Variants in PDE6B observed in about 807,000 individuals in gnomAD.
The protein encoded by PDE6B is rod cGMP-specific 3',5'-cyclic phosphodiesterase subunit beta.
Under a neutral mutation model 109.0 loss-of-function variants are expected in PDE6B, and 106 were observed. The observed-to-expected ratio is 0.97, with a 90% CI of 0.83 to 1.14. PDE6B has a LOEUF of 1.14. Ranked by LOEUF, PDE6B falls within the 50% of genes most tolerant of loss-of-function variation. The probability of loss-of-function intolerance (pLI) is 0.00; values close to 1 mark genes in which losing one functional copy is unlikely to be tolerated. For synonymous variants in PDE6B, 490 were observed against 471.3 expected, an observed-to-expected ratio of 1.04 and a Z score of -0.51; for missense variants, 1,193 against 1,155.6, an observed-to-expected ratio of 1.03 and a Z score of -0.47.
intron 1 of PDE6B, among the ~76,000 whole-genome samples, chr4:631,722 A>G (rs1199957099): frequency 2.0e-5 from 3 of 147,848 alleles, no homozygotes; most frequent in Non-Finnish European, 4.5e-5. Context: ...GGGACCATCA[A>G]AGGGTCATGA....
intron 1 of PDE6B, among the ~76,000 whole-genome samples, chr4:630,906 A>G (rs1267453653): frequency 6.6e-6 from 1 of 152,188 alleles, no homozygotes; most frequent in Non-Finnish European, 1.5e-5. Context: ...CAGGGAGTGA[A>G]TGGGGCCAGT....
rs1428705128 is a variant in PDE6B at position 636,670 on chromosome 4, C to T, written c.711+701C>T. On this transcript the variant is annotated intron_variant, in intron 3 of 21. Coordinates refer to ENST00000496514, the MANE Select transcript of PDE6B (RefSeq NM_000283.4). This position sits in a 1 kb window ranked among gnomAD's most constrained non-coding sequence, Gnocchi z 4.5. ...GAACTGTGAAGACGGCGGTCACCTC[C>T]TGCCTTCTCCGTGTCTTGTTCTGCC... Among the ~76,000 whole-genome samples, 1 of 152,176 alleles carries T rather than the reference C, an allele frequency of 6.6e-6. No individual in the cohort carries two copies. The highest frequency in any genetic ancestry group is 1.5e-5 in the Non-Finnish European group (1 of 68,016).
chr4:645,358 C>G (rs1441138891), intron 3 of PDE6B, among the ~76,000 whole-genome samples: 1 of 146,264 alleles, frequency 6.8e-6, no homozygotes, highest in Non-Finnish European at 1.5e-5. Context: ...TGCAGTGGCG[C>G]GATCTCGGCT....
At chr4:642,298 A>T (rs1366717683) in intron 3 of PDE6B, among the ~76,000 whole-genome samples, 1 of 150,746 alleles carries the variant, frequency 6.6e-6, no homozygotes, top group Non-Finnish European at 1.5e-5. Context: ...ATGGAGAAAA[A>T]CCCCCATCTC....
At chr4:653,452 C>A in intron 3 of PDE6B, 1 of 701,286 alleles carries the variant, frequency 1.4e-6, no homozygotes, top group South Asian at 2.0e-5. Context: ...TGGCGGAGGC[C>A]ACAGGCGGCC....
chr4:664,989 C>A, intron 18 of PDE6B, 45 bp downstream of exon 18: 1 of 1,457,438 alleles, frequency 6.9e-7, no homozygotes, highest in Non-Finnish European at 9.6e-7. Flanking sequence ...TGCCTCTCAG[C>A]ACATGGGACT....
intron 5 of PDE6B, 59 bp downstream of exon 5, chr4:654,213 A>G (rs748855795): frequency 7.3e-7 from 1 of 1,376,474 alleles, no homozygotes; most frequent in Admixed American, 1.7e-5. Context: ...CCTGACTCCA[A>G]CTCCAGGGCA....
At chr4:653,760 G>A in intron 3 of PDE6B, 92 bp from the exon 4 acceptor site, 1 of 1,400,890 alleles carries the variant, frequency 7.1e-7, no homozygotes, top group Non-Finnish European at 1.0e-6. Context: ...GAGCGCACCT[G>A]TGTCAGGCTT....
Position 665,265 on chromosome 4 carries a change from T to C in PDE6B, c.2204T>C (p.Leu735Pro), listed in dbSNP as rs1259399134. The C allele has an allele frequency of 6.2e-7, 1 of 1,612,592 alleles. No individual in the cohort carries two copies. The highest frequency in any genetic ancestry group is 2.2e-5 in the East Asian group (1 of 44,852). The change falls in exon 19 of 22, where the codon CTC becomes CCC. Residue 735 changes from leucine to proline, a missense_variant. Physicochemically the swap from Leu to Pro is moderately conservative, Grantham distance 98 (BLOSUM62 -3). Transcript: ENST00000496514. This position sits in a 1 kb window ranked among gnomAD's most constrained non-coding sequence, Gnocchi z 4.0. ...TTCCTGTGCCTCCAGGTCGCACTTC[T>C]CGTGGCTGCTGAGTTCTGGGAGCAA... The part of the protein sequence containing the change: ...PWEVQSKVAL[L>P]VAAEFWEQGD...
chr4:637,886 T>C (rs1367384860), intron 3 of PDE6B, among the ~76,000 whole-genome samples: 1 of 152,216 alleles, frequency 6.6e-6, no homozygotes, highest in African/African-American at 2.4e-5. Flanking sequence ...GTGGGATGCC[T>C]GGGAGCTGTC....
intron 5 of PDE6B, 186 bp from the exon 6 acceptor site, chr4:654,638 C>T (rs1054723146): frequency 1.8e-5 from 12 of 675,824 alleles, no homozygotes; most frequent in Non-Finnish European, 3.0e-5. Context: ...GGTGTGAGTG[C>T]ACCCGCATTC....
rs377200859 is a variant in PDE6B at position 654,092 on chromosome 4, G to A, written c.865G>A (p.Val289Met). The A allele has an allele frequency of 3.0e-5, 49 of 1,613,738 alleles. No homozygotes were observed. The highest frequency in any genetic ancestry group is 3.3e-4 in the Middle Eastern group (2 of 6,084). ...DMTKEKEFFD[V>M]WSVLMGESQP... ...CTTCTCTGCCCAGGAATTTTTTGAC[G>A]TGTGGTCTGTGCTGATGGGAGAGTC... is the stretch of plus-strand genomic sequence containing the variant. The change falls in exon 5 of 22, where the codon GTG (valine) becomes ATG (methionine). Residue 289 changes from valine to methionine, a missense_variant. Val to Met is a conservative substitution (Grantham distance 21). Transcript: ENST00000496514.
intron 1 of PDE6B, among the ~76,000 whole-genome samples, chr4:632,498 G>A (rs1734439207): frequency 6.6e-6 from 1 of 151,358 alleles, no homozygotes; most frequent in African/African-American, 2.4e-5. Context: ...ATCACGTTTT[G>A]TGGATCCATG....
chr4:663,084 ACC>A lies in PDE6B; in HGVS notation c.1833-15_1833-14del. The A allele has an allele frequency of 6.6e-7, 1 of 1,512,654 alleles. No individual in the cohort carries two copies. Among genetic ancestry groups the A allele is most frequent in the Non-Finnish European group, 9.2e-7 (1 of 1,087,538 alleles). The allele number at this position is 1,512,654 out of a possible 1,614,324, so 93.7% of individuals were successfully genotyped here. A position where few individuals can be genotyped will look rare whatever the true frequency, so the allele number is the denominator to read the frequency against. On this transcript the variant is annotated splice_polypyrimidine_tract_variant and intron_variant, in intron 14 of 21. Transcript: ENST00000496514. This position sits in a 1 kb window ranked among gnomAD's most constrained non-coding sequence, Gnocchi z 4.0. Reference sequence around the variant, plus strand: ...GGCAGGTCCCACGGGCCTCACCTCCACCACCTGTGTAACAGGTCCCAGAACCC... The same window carrying A: ...GGCAGGTCCCACGGGCCTCACCTCCAACCTGTGTAACAGGTCCCAGAACCC...
intron 3 of PDE6B, among the ~76,000 whole-genome samples, chr4:650,689 C>T (rs1735461778): frequency 1.3e-5 from 2 of 152,062 alleles, no homozygotes; most frequent in South Asian, 2.1e-4. Flanking sequence ...GGAGGGCTGG[C>T]GTCTGGAGGC....
chr4:634,268 T>C (rs184273694), intron 1 of PDE6B, among the ~76,000 whole-genome samples: 3 of 152,210 alleles, frequency 2.0e-5, no homozygotes, highest in Non-Finnish European at 4.4e-5. Context: ...AGGAGTGTCC[T>C]GCAGGGGGCT....
chr4:663,613 G>A lies in PDE6B; in HGVS notation c.1921-157G>A, dbSNP rs1382034134. The A allele has an allele frequency of 3.0e-6, 2 of 676,074 alleles. No individual in the cohort carries two copies. The highest frequency in any genetic ancestry group is 2.7e-5 in the East Asian group (1 of 36,910). 41.9% of individuals were successfully genotyped at this position (676,074 alleles called of 1,614,324 possible). ...GGTGGAGAGCTGGGCACCCTGAGGA[G>A]GGCCCTGAGCAGCAGGCGGATTAGG... On this transcript the variant is annotated intron_variant, in intron 15 of 21. Transcript: ENST00000496514. This position sits in a 1 kb window ranked among gnomAD's most constrained non-coding sequence, Gnocchi z 4.0.
chr4:658,879 G>A (rs878944294), intron 10 of PDE6B, 73 bp from the exon 11 acceptor site: 7 of 1,079,774 alleles, frequency 6.5e-6, no homozygotes, highest in South Asian at 6.3e-5. Context: ...AGCTCACACG[G>A]GGTGGACGCA....
chr4:653,535 G>A (rs1024930499), intron 3 of PDE6B: 15 of 494,278 alleles, frequency 3.0e-5, no homozygotes, highest in Admixed American at 1.7e-4. Flanking sequence ...CAGCCGGGCG[G>A]AGGAAGGGCT....
Sources: gnomAD v4.1 joint callset for allele counts (sites outside exome capture counted in the v4.1 genomes callset) on GRCh38, gnomAD v4.1.1 for gene constraint, Gnocchi (gnomAD v3.1) non-coding constraint, MANE v1.5 for transcripts, NCBI Gene and HGNC (gene_info 2026-07-23, HGNC 2026-07-21) for gene names.